The following DACH1 variants were observed in gnomAD, a reference collection of about 807,000 sequenced individuals.
DACH1 encodes the protein dachshund homolog 1.
In DACH1, 12 loss-of-function variants were observed where a neutral mutation model predicts 54.2. The observed-to-expected ratio is 0.22, with a 90% CI of 0.14 to 0.36. DACH1 has a LOEUF of 0.36. Among genes scored for constraint, DACH1 ranks in the 10% least tolerant of loss-of-function variants. DACH1 has a pLI of 1.00. For synonymous variants in DACH1, 386 were observed against 366.2 expected (o/e 1.05, Z -0.62); for missense variants, 805 against 929.8 (o/e 0.87, Z 1.75).
At chr13:71,564,377 T>G (rs187563187) in intron 4 of DACH1, among the ~76,000 whole-genome samples, 1 of 152,078 alleles carries the variant, frequency 6.6e-6, no homozygotes, top group Admixed American at 6.5e-5. Flanking sequence ...CTGAATCAAC[T>G]TTACCAATCA....
At chr13:71,815,705 G>A (rs1384113342) in intron 1 of DACH1, among the ~76,000 whole-genome samples, 2 of 152,164 alleles carry the variant, frequency 1.3e-5, no homozygotes, top group Non-Finnish European at 2.9e-5. Flanking sequence ...CACGTGACAG[G>A]TATAATACTG....
intron 6 of DACH1, among the ~76,000 whole-genome samples, chr13:71,525,367 C>G (rs556196098): frequency 6.6e-6 from 1 of 152,218 alleles, no homozygotes; most frequent in East Asian, 1.9e-4. Flanking sequence ...AAAAATCCCA[C>G]TGACATTTCT....
intron 2 of DACH1, among the ~76,000 whole-genome samples, chr13:71,645,119 C>T (rs1004183323): frequency 6.6e-6 from 1 of 152,166 alleles, no homozygotes; most frequent in Non-Finnish European, 1.5e-5. Flanking sequence ...GTTTTAGAAT[C>T]AACGAGCAGG....
Position 71,489,119 on chromosome 13 carries a change from T to C in DACH1, c.1600A>G (p.Arg534Gly). The C allele has an allele frequency of 6.2e-7, 1 of 1,613,694 alleles. No individual in the cohort carries two copies. The highest frequency in any genetic ancestry group is 1.1e-5 in the South Asian group (1 of 91,044). Reference protein sequence around the residue: ...DETPLSTPTARDSLDKLSLTG... With the variant: ...DETPLSTPTAGDSLDKLSLTG... ...AGAGAGAGTTTGTCAAGGCTGTCTC[T>C]TGCGGTTGGTGTAGAAAGCGGGGTC... Residue 534 changes from arginine to glycine, a missense_variant, in exon 7 of 11, where the codon AGA becomes GGA. Arg to Gly is a moderately radical substitution (Grantham distance 125). Transcript: ENST00000613252.
chr13:71,691,162 T>C (rs1176568592), intron 1 of DACH1, among the ~76,000 whole-genome samples: 1 of 152,184 alleles, frequency 6.6e-6, no homozygotes, highest in Non-Finnish European at 1.5e-5. Flanking sequence ...TCATTCTGTT[T>C]CTTCAGGTTA....
chr13:71,506,519 C>A (rs1043736351), intron 6 of DACH1, among the ~76,000 whole-genome samples: 4 of 151,918 alleles, frequency 2.6e-5, no homozygotes, highest in Non-Finnish European at 4.4e-5. Flanking sequence ...GCCACACTTT[C>A]TTAATCCAGT....
chr13:71,831,342 G>C (rs1489702962), intron 1 of DACH1, among the ~76,000 whole-genome samples: 1 of 151,164 alleles, frequency 6.6e-6, no homozygotes, highest in Non-Finnish European at 1.5e-5. Context: ...AAGTTAAATA[G>C]TATTATATAA....
At chr13:71,494,866 T>C (rs1167612586) in intron 6 of DACH1, among the ~76,000 whole-genome samples, 1 of 152,116 alleles carries the variant, frequency 6.6e-6, no homozygotes, top group East Asian at 1.9e-4. Flanking sequence ...TCAGTAAGAT[T>C]GATGCCTCTG....
At chr13:71,460,241 A>C (rs1875953032) in intron 10 of DACH1, among the ~76,000 whole-genome samples, 1 of 152,108 alleles carries the variant, frequency 6.6e-6, no homozygotes, top group Non-Finnish European at 1.5e-5. Context: ...GAAAAAACTT[A>C]AGTATATAAA....
chr13:71,511,110 A>G (rs2138257429), intron 6 of DACH1, among the ~76,000 whole-genome samples: 1 of 152,196 alleles, frequency 6.6e-6, no homozygotes, highest in East Asian at 1.9e-4. Context: ...CAATGCTAAC[A>G]GTAACAAGGA....
intron 6 of DACH1, among the ~76,000 whole-genome samples, chr13:71,531,648 T>TA (rs905880260): frequency 4.6e-5 from 7 of 152,068 alleles, no homozygotes; most frequent in African/African-American, 1.2e-4. Context: ...AAGGAATAGA[T>TA]AAAAAAATCA....
chr13:71,784,608 A>C (rs1283450033), intron 1 of DACH1, among the ~76,000 whole-genome samples: 1 of 152,030 alleles, frequency 6.6e-6, no homozygotes, highest in Non-Finnish European at 1.5e-5. Context: ...GAATTCAATC[A>C]CTGCAATTAT....
chr13:71,487,867 T>C (rs1878665048), intron 7 of DACH1, among the ~76,000 whole-genome samples: 1 of 152,154 alleles, frequency 6.6e-6, no homozygotes, highest in South Asian at 2.1e-4. Flanking sequence ...TAATAAACAA[T>C]AATATGGGTG....
At chr13:71,601,308 C>T (rs952093852) in intron 3 of DACH1, among the ~76,000 whole-genome samples, 1 of 151,930 alleles carries the variant, frequency 6.6e-6, no homozygotes, top group Non-Finnish European at 1.5e-5. Context: ...TTTAAACTTG[C>T]TATTTATATG....
At chr13:71,581,406 C>A (rs1352058009) in intron 3 of DACH1, among the ~76,000 whole-genome samples, 4 of 152,028 alleles carry the variant, frequency 2.6e-5, no homozygotes. Flanking sequence ...GAGACTACAG[C>A]ACACGCCACC....
In DACH1 at chr13:71,739,510, T is replaced by C. The variant is rs112406084; in HGVS notation, c.849-57600A>G. Among the ~76,000 whole-genome samples, 1,424 of 152,314 alleles carry C rather than the reference T, an allele frequency of 9.3e-3. 33 individuals are homozygous for C. The highest frequency in any genetic ancestry group is 0.032 in the African/African-American group (1,341 of 41,566). ...CAATAAGTAACCCACATGAAAATTA[T>C]TGAGAAATTTTACATTCTTTTTTCC... On this transcript the variant is annotated intron_variant, in intron 1 of 10. Coordinates refer to ENST00000613252, the MANE Select transcript of DACH1 (RefSeq NM_080759.6).
chr13:71,830,024 T>C (rs1888523963), intron 1 of DACH1, among the ~76,000 whole-genome samples: 2 of 151,894 alleles, frequency 1.3e-5, no homozygotes, highest in Admixed American at 1.3e-4. Flanking sequence ...AGTTCCACTA[T>C]AAATGATCAA....
In DACH1 at chr13:71,571,443, T is replaced by C. The variant is rs150979009; in HGVS notation, c.1299+1397A>G. Reference sequence around the variant, plus strand: ...TAACAATACGGTGATATCTTGCTTATTGAATAATCTGGTAACAATATCCCT... The same window carrying C: ...TAACAATACGGTGATATCTTGCTTACTGAATAATCTGGTAACAATATCCCT... On this transcript the variant is annotated intron_variant, in intron 4 of 10. Transcript: ENST00000613252. 5.1e-3 allele frequency among the ~76,000 whole-genome samples: 778 copies of C among 152,316 alleles called. 8 individuals are homozygous for C. The highest frequency in any genetic ancestry group is 0.017 in the African/African-American group (718 of 41,556).
At chr13:71,542,564 T>G (rs750585383) in intron 6 of DACH1, among the ~76,000 whole-genome samples, 1 of 152,264 alleles carries the variant, frequency 6.6e-6, no homozygotes, top group African/African-American at 2.4e-5. Flanking sequence ...TTTTAAAATT[T>G]TTCCACAATA....
Sources: gnomAD v4.1 joint callset for allele counts (sites outside exome capture counted in the v4.1 genomes callset) on GRCh38, gnomAD v4.1.1 for gene constraint, MANE v1.5 for transcripts, NCBI Gene and HGNC (gene_info 2026-07-23, HGNC 2026-07-21) for gene names.